KLHL1: variants seen among roughly 807,000 people sequenced by gnomAD.
The protein encoded by KLHL1 is kelch like family member 1.
Under a neutral mutation model 77.7 loss-of-function variants are expected in KLHL1, and 47 were observed. The observed-to-expected ratio is 0.60, with a 90% CI of 0.48 to 0.77. KLHL1 has a LOEUF of 0.77. Among genes scored for constraint, KLHL1 ranks in the 30% least tolerant of loss-of-function variants. The pLI, the probability that KLHL1 is intolerant of heterozygous loss-of-function variation, is 0.00. For missense variants in KLHL1, 925 were observed against 910.8 expected, an observed-to-expected ratio of 1.02 and a Z score of -0.20; for synonymous variants, 360 against 325.2, an observed-to-expected ratio of 1.11 and a Z score of -1.15.
chr13:69,731,614 A>G (rs998215428), intron 8 of KLHL1, among the ~76,000 whole-genome samples: 10 of 152,202 alleles, frequency 6.6e-5, no homozygotes, highest in Admixed American at 3.9e-4. Flanking sequence ...AATAGCGAAC[A>G]CTTTATACAT....
At chr13:69,939,966 G>A in intron 4 of KLHL1, 74 bp downstream of exon 4, 1 of 1,192,008 alleles carries the variant, frequency 8.4e-7, no homozygotes, top group Non-Finnish European at 1.2e-6. Flanking sequence ...ACTTGCTAAT[G>A]CCATGACAGT....
intron 1 of KLHL1, among the ~76,000 whole-genome samples, chr13:69,983,744 G>A (rs1884784798): frequency 6.6e-6 from 1 of 151,796 alleles, no homozygotes; most frequent in Non-Finnish European, 1.5e-5. Flanking sequence ...CTCTAGCCTT[G>A]GTGACACAGC....
At position 69,961,344 on chromosome 13, in the gene KLHL1, T is replaced by C. The variant is rs754553146; in HGVS notation, c.781A>G (p.Asn261Asp). 2 of 1,612,806 alleles carry C rather than the reference T, an allele frequency of 1.2e-6. No individual in the cohort carries two copies. Among genetic ancestry groups the C allele is most frequent in the African/African-American group, 2.7e-5 (2 of 74,830 alleles). Residue 261 changes from asparagine to aspartate, a missense_variant, in exon 3 of 11, where the codon AAT becomes GAT. Transcript: ENST00000377844. ...EEIKMEGIDP[N>D]ALWDLVQFAY... ...AATTGGACAAGGTCCCAGAGAGCAT[T>C]GGGGTCTATGCCTTCCATTTTGATC...
intron 1 of KLHL1, among the ~76,000 whole-genome samples, chr13:70,077,069 T>A (rs1346983030): frequency 6.6e-6 from 1 of 151,974 alleles, no homozygotes; most frequent in East Asian, 1.9e-4. Flanking sequence ...ATTTGGAAGT[T>A]CCTTAAAAAG....
intron 1 of KLHL1, among the ~76,000 whole-genome samples, chr13:70,085,321 T>TA (rs1280023856): frequency 1.3e-5 from 2 of 152,124 alleles, no homozygotes; most frequent in African/African-American, 4.8e-5. Context: ...TATTGCATTT[T>TA]AAAAAGATGT....
intron 8 of KLHL1, among the ~76,000 whole-genome samples, chr13:69,723,178 G>A (rs190186691): frequency 2.0e-5 from 3 of 152,206 alleles, no homozygotes; most frequent in Admixed American, 2.0e-4. Context: ...GAGAGAACTA[G>A]TGGGGAGGGG....
intron 1 of KLHL1, among the ~76,000 whole-genome samples, chr13:70,100,105 T>A (rs1023413093): frequency 6.6e-6 from 1 of 152,092 alleles, no homozygotes; most frequent in Non-Finnish European, 1.5e-5. Context: ...TTCAGTGATA[T>A]GTTCATTTTA....
chr13:70,079,135 T>A (rs149501319), intron 1 of KLHL1, among the ~76,000 whole-genome samples: 27 of 152,314 alleles, frequency 1.8e-4, no homozygotes, highest in Non-Finnish European at 3.7e-4. Context: ...ATACAGAGTC[T>A]CTAAGGCTTC....
At chr13:69,932,111 G>A (rs1883021384) in intron 4 of KLHL1, among the ~76,000 whole-genome samples, 1 of 151,568 alleles carries the variant, frequency 6.6e-6, no homozygotes. Context: ...TCATTATTGT[G>A]TGCCTAAAAT....
At chr13:69,887,859 T>C (rs1225570484) in intron 4 of KLHL1, among the ~76,000 whole-genome samples, 1 of 152,202 alleles carries the variant, frequency 6.6e-6, no homozygotes, top group Non-Finnish European at 1.5e-5. Context: ...TATTCTAGTA[T>C]GCATTTCAAA....
intron 8 of KLHL1, among the ~76,000 whole-genome samples, chr13:69,729,909 T>A (rs938633995): frequency 6.6e-6 from 1 of 152,168 alleles, no homozygotes; most frequent in Non-Finnish European, 1.5e-5. Context: ...ACTCTGATAT[T>A]TTTTACGAAG....
At chr13:69,924,002 G>C (rs894102060) in intron 4 of KLHL1, among the ~76,000 whole-genome samples, 1 of 152,218 alleles carries the variant, frequency 6.6e-6, no homozygotes, top group Admixed American at 6.5e-5. Flanking sequence ...GAACACAGTT[G>C]AGGCTAAGCC....
intron 6 of KLHL1, among the ~76,000 whole-genome samples, chr13:69,834,675 C>G (rs932803172): frequency 6.6e-6 from 1 of 152,016 alleles, no homozygotes; most frequent in African/African-American, 2.4e-5. Context: ...AATGTTATCA[C>G]AATTAATAGT....
chr13:70,073,633 C>T (rs12430261), intron 1 of KLHL1, among the ~76,000 whole-genome samples: 3 of 151,690 alleles, frequency 2.0e-5, no homozygotes, highest in South Asian at 2.1e-4. Flanking sequence ...TCTAAAAACC[C>T]GGGTGTGGTG....
At chr13:70,066,660 C>T (rs78925205) in intron 1 of KLHL1, among the ~76,000 whole-genome samples, 1 of 152,060 alleles carries the variant, frequency 6.6e-6, no homozygotes, top group African/African-American at 2.4e-5. Flanking sequence ...TTATTTGATT[C>T]TTCTTATCAT....
At chr13:69,736,294 A>G (rs9529633) in intron 8 of KLHL1, among the ~76,000 whole-genome samples, 14,713 of 152,204 alleles carry the variant, frequency 0.097, 979 homozygotes, top group Non-Finnish European at 0.13. Context: ...AAAATTCTCA[A>G]CATCACTAAT....
chr13:69,902,954 A>T (rs913084869), intron 4 of KLHL1, among the ~76,000 whole-genome samples: 20 of 152,340 alleles, frequency 1.3e-4, no homozygotes, highest in African/African-American at 4.3e-4. Flanking sequence ...TCCATTATAT[A>T]TATAATGAAA....
At chr13:70,002,262 C>T (rs961945161) in intron 1 of KLHL1, among the ~76,000 whole-genome samples, 8 of 151,428 alleles carry the variant, frequency 5.3e-5, no homozygotes, top group Non-Finnish European at 1.2e-4. Flanking sequence ...AAATGGTCCG[C>T]ATGTTTGAAC....
intron 3 of KLHL1, among the ~76,000 whole-genome samples, chr13:69,958,053 A>C (rs1883948751): frequency 6.6e-6 from 1 of 151,764 alleles, no homozygotes; most frequent in African/African-American, 2.4e-5. Context: ...CATTATCCTA[A>C]ATAGTTGCAA....
Sources: gnomAD v4.1 joint callset for allele counts (sites outside exome capture counted in the v4.1 genomes callset) on GRCh38, gnomAD v4.1.1 for gene constraint, MANE v1.5 for transcripts, NCBI Gene and HGNC (gene_info 2026-07-23, HGNC 2026-07-21) for gene names.